XIRP2: variants seen among roughly 807,000 people sequenced by gnomAD.
XIRP2 encodes the protein xin actin-binding repeat-containing protein 2.
A neutral mutation model predicts 277.0 loss-of-function variants in XIRP2; 236 were observed. The ratio of observed to expected loss-of-function variants is 0.85; its 90% confidence interval spans 0.77 to 0.95. The LOEUF (loss-of-function observed/expected upper bound fraction) is 0.95, where lower values mean the gene tolerates loss of function less well. Ranked by LOEUF, XIRP2 falls within the 40% of genes least tolerant of loss-of-function variation. The probability of loss-of-function intolerance (pLI) is 0.00; values close to 1 mark genes in which losing one functional copy is unlikely to be tolerated. For missense variants in XIRP2, 4,640 were observed against 4,157.5 expected (o/e 1.12, Z -3.19); for synonymous variants, 1,490 against 1,416.5 (o/e 1.05, Z -1.17).
intron 2 of XIRP2, among the ~76,000 whole-genome samples, chr2:167,015,887 T>C (rs1209098002): frequency 9.2e-5 from 14 of 151,700 alleles, no homozygotes; most frequent in Admixed American, 7.9e-4. Context: ...TATAATATTA[T>C]ATAGAATTTA....
Position 167,192,436 on chromosome 2 carries a change from G to A in XIRP2, c.563-18299G>A, listed in dbSNP as rs559869364. Among the ~76,000 whole-genome samples, 8 of 152,208 alleles carry A rather than the reference G, an allele frequency of 5.3e-5. No homozygotes were observed. The South Asian group carries it at 1.7e-3, about 32-fold the overall frequency. On this transcript the variant is annotated intron_variant, in intron 3 of 10. Coordinates refer to ENST00000409195, the MANE Select transcript of XIRP2 (RefSeq NM_152381.6). ...TATTATCTAACTAGTAAGCCATTGT[G>A]ACAAATAATTAGCAGTTTGTAAACA... is the stretch of plus-strand genomic sequence containing the variant.
intron 1 of XIRP2, among the ~76,000 whole-genome samples, chr2:166,896,836 C>T (rs1344556273): frequency 6.6e-6 from 1 of 152,146 alleles, no homozygotes; most frequent in African/African-American, 2.4e-5. Flanking sequence ...GTTCCCCATA[C>T]AGGTATAATA....
chr2:167,251,485 C>A lies in XIRP2; in HGVS notation c.10093C>A (p.Gln3365Lys), dbSNP rs758520751. Reference sequence around the variant, plus strand: ...AAAGGGAGAAACAAACCATAACATACAACAAGAAAGTCGTACATTTTGTAA... The same window carrying A: ...AAAGGGAGAAACAAACCATAACATAAAACAAGAAAGTCGTACATTTTGTAA... ...YAKGETNHNI[Q>K]QESRTFCKEE... The change falls in exon 9 of 11, where the codon CAA becomes AAA. Residue 3365 changes from glutamine (Q) to lysine (K), a missense_variant. Physicochemically the swap from Gln to Lys is moderately conservative, Grantham distance 53. Transcript: ENST00000409195. 6.2e-7 allele frequency: 1 copy of A among 1,613,282 alleles called. No individual in the cohort carries two copies. The highest frequency in any genetic ancestry group is 8.5e-7 in the Non-Finnish European group (1 of 1,179,418).
At chr2:167,080,766 A>G (rs1193686467) in intron 2 of XIRP2, among the ~76,000 whole-genome samples, 1 of 152,224 alleles carries the variant, frequency 6.6e-6, no homozygotes, top group South Asian at 2.1e-4. Flanking sequence ...ACGTTTCCCT[A>G]TAAGAAAGAA....
chr2:167,075,769 G>C (rs1689549072), intron 2 of XIRP2, among the ~76,000 whole-genome samples: 1 of 151,494 alleles, frequency 6.6e-6, no homozygotes, highest in Non-Finnish European at 1.5e-5. Flanking sequence ...AGCCTACTGA[G>C]TAACTGGGAT....
intron 2 of XIRP2, among the ~76,000 whole-genome samples, chr2:167,028,689 A>C (rs1215189603): frequency 6.6e-6 from 1 of 151,984 alleles, no homozygotes; most frequent in African/African-American, 2.4e-5. Context: ...AAGAACATCC[A>C]GGAAAACATG....
At position 167,243,856 on chromosome 2, in the gene XIRP2, G is replaced by A. The variant is rs1237659956; in HGVS notation, c.2464G>A (p.Glu822Lys). 2 of 1,613,832 alleles carry A rather than the reference G, an allele frequency of 1.2e-6. No homozygotes were observed. The highest frequency in any genetic ancestry group is 1.1e-5 in the South Asian group (1 of 91,066). Residue 822 changes from glutamate to lysine, a missense_variant, in exon 9 of 11, where the codon GAG (glutamate) becomes AAG (lysine). Coordinates refer to ENST00000409195, the MANE Select transcript of XIRP2 (RefSeq NM_152381.6). ...FETQPLEKIK[E>K]SEEVIIEKEK... ...AACCCAACCTTTGGAGAAAATCAAAGAGTCAGAAGAGGTCATCATTGAAAA... is the reference window on the plus strand; with the variant it reads ...AACCCAACCTTTGGAGAAAATCAAAAAGTCAGAAGAGGTCATCATTGAAAA...
chr2:166,949,797 T>C (rs921392522), intron 2 of XIRP2, among the ~76,000 whole-genome samples: 2 of 152,094 alleles, frequency 1.3e-5, no homozygotes, highest in Non-Finnish European at 2.9e-5. Context: ...TAAAGTTCCT[T>C]GAACTTAATA....
chr2:166,933,455 TA>T (rs1685406924), intron 2 of XIRP2, among the ~76,000 whole-genome samples: 1 of 152,070 alleles, frequency 6.6e-6, no homozygotes, highest in African/African-American at 2.4e-5. Context: ...GGCCAACTTA[TA>T]TATCAATTTA....
intron 3 of XIRP2, among the ~76,000 whole-genome samples, chr2:167,187,686 T>A (rs1347244723): frequency 6.6e-6 from 1 of 152,188 alleles, no homozygotes; most frequent in Non-Finnish European, 1.5e-5. Flanking sequence ...ATATTTAGCA[T>A]TGATTTAATA....
chr2:167,210,988 CA>C, intron 4 of XIRP2, 93 bp downstream of exon 4: 2 of 1,473,568 alleles, frequency 1.4e-6, no homozygotes, highest in Non-Finnish European at 1.8e-6. Context: ...TACTACTGGA[CA>C]GGGGGCTAAA....
intron 4 of XIRP2, among the ~76,000 whole-genome samples, chr2:167,211,424 C>T (rs1229429644): frequency 2.6e-5 from 4 of 152,146 alleles, no homozygotes; most frequent in African/African-American, 4.8e-5. Flanking sequence ...TCTCTCTGAG[C>T]TTCAGTTTCC....
chr2:167,007,625 T>G lies in XIRP2; in HGVS notation c.408+103735T>G, dbSNP rs935421742. 4.0e-5 allele frequency among the ~76,000 whole-genome samples: 6 copies of G among 151,236 alleles called. No homozygotes were observed. In the South Asian group the frequency reaches 6.2e-4, roughly 16 times the overall value. Reference sequence around the variant, plus strand: ...GGGGCAGTAATATGTGGTACATGTCTTAAACAAAATCTATTATAAATTTTT... The same window carrying G: ...GGGGCAGTAATATGTGGTACATGTCGTAAACAAAATCTATTATAAATTTTT... On this transcript the variant is annotated intron_variant, in intron 2 of 10. Transcript: ENST00000409195.
At chr2:167,184,500 A>G (rs1292368948) in intron 3 of XIRP2, 12 of 707,748 alleles carry the variant, frequency 1.7e-5, no homozygotes, top group Non-Finnish European at 2.9e-5. Flanking sequence ...CTCCAGTCCC[A>G]TGGAATTGCC....
intron 9 of XIRP2, among the ~76,000 whole-genome samples, chr2:167,252,374 T>A (rs1001305209): frequency 1.3e-5 from 2 of 152,014 alleles, no homozygotes; most frequent in Non-Finnish European, 2.9e-5. Context: ...GATAGAAGTC[T>A]GAGACACAAT....
chr2:167,086,935 T>A (rs1408767794), intron 2 of XIRP2, among the ~76,000 whole-genome samples: 2 of 152,204 alleles, frequency 1.3e-5, no homozygotes, highest in Non-Finnish European at 2.9e-5. Flanking sequence ...AGCCTTCTTC[T>A]GTCAGCTGGC....
Position 167,245,574 on chromosome 2 carries a change from G to C in XIRP2, c.4182G>C (p.Gln1394His). Reference sequence around the variant, plus strand: ...CTGTCAGATACAGATTTGAAACTCAGCCACTGGATCAGATTTCTGAAGAAT... The same window carrying C: ...CTGTCAGATACAGATTTGAAACTCACCCACTGGATCAGATTTCTGAAGAAT... ...VSSVRYRFET[Q>H]PLDQISEESH... Residue 1394 changes from glutamine to histidine, a missense_variant, in exon 9 of 11, where the codon CAG (glutamine) becomes CAC (histidine). Physicochemically the swap from Gln to His is conservative, Grantham distance 24 (BLOSUM62 0). Transcript: ENST00000409195. 6.2e-7 allele frequency: 1 copy of C among 1,613,640 alleles called. No individual in the cohort carries two copies. Among genetic ancestry groups the C allele is most frequent in the Non-Finnish European group, 8.5e-7 (1 of 1,179,742 alleles).
chr2:167,206,332 T>C lies in XIRP2; in HGVS notation c.563-4403T>C, dbSNP rs926735785. On this transcript the variant is annotated intron_variant, in intron 3 of 10. Transcript: ENST00000409195. ...TCCTCACACTGAAATGCCTGTAGTA[T>C]GGATTTTCCTCTGTTTTCCATCTTC... Among the ~76,000 whole-genome samples the C allele has an allele frequency of 3.3e-5, 5 of 152,224 alleles. 1 individual carries two copies. In the South Asian group the frequency reaches 6.2e-4, roughly 19 times the overall value.
intron 1 of XIRP2, among the ~76,000 whole-genome samples, chr2:166,892,535 A>C (rs941093401): frequency 5.9e-5 from 9 of 152,144 alleles, no homozygotes; most frequent in African/African-American, 2.2e-4. Context: ...GCCAACTTTA[A>C]AAATTATTGC....
Sources: allele counts gnomAD v4.1 joint callset (sites outside exome capture counted in the v4.1 genomes callset), GRCh38; gene constraint gnomAD v4.1.1; transcripts MANE v1.5; gene names NCBI Gene and HGNC (gene_info 2026-07-23, HGNC 2026-07-21).